The following RUVBL1 variants were observed in gnomAD, a reference collection of about 807,000 sequenced individuals.
The protein encoded by RUVBL1 is RuvB like AAA ATPase 1.
RUVBL1 carries 4 observed loss-of-function variants against 52.4 expected under a neutral mutation model. The observed-to-expected ratio is 0.08, with a 90% CI of 0.04 to 0.17. The LOEUF is 0.17. Ranked by LOEUF, RUVBL1 falls within the 10% of genes least tolerant of loss-of-function variation. The pLI, the probability that RUVBL1 is intolerant of heterozygous loss-of-function variation, is 1.00. For synonymous variants in RUVBL1, 217 were observed against 214.4 expected, an observed-to-expected ratio of 1.01 and a Z score of -0.10; for missense variants, 298 against 572.8, an observed-to-expected ratio of 0.52 and a Z score of 4.90.
At chr3:128,133,509 A>G (rs1943909340) in intron 1 of RUVBL1, among the ~76,000 whole-genome samples, 1 of 152,090 alleles carries the variant, frequency 6.6e-6, no homozygotes, top group Non-Finnish European at 1.5e-5. Context: ...AGGTGCTTGT[A>G]TCATCCCTCC....
chr3:128,142,770 C>A (rs1944045079), intron 1 of RUVBL1, among the ~76,000 whole-genome samples: 1 of 152,102 alleles, frequency 6.6e-6, no homozygotes, highest in South Asian at 2.1e-4. Context: ...TGCTTCTGAC[C>A]CTCCTGCCTC....
At chr3:128,110,044 T>C (rs1213114331) in intron 3 of RUVBL1, among the ~76,000 whole-genome samples, 2 of 152,044 alleles carry the variant, frequency 1.3e-5, no homozygotes, top group Non-Finnish European at 2.9e-5. Context: ...CTCGAACTCC[T>C]GACCTCAGGT....
chr3:128,077,343 CT>C (rs1431387086), downstream of RUVBL1, among the ~76,000 whole-genome samples: 1 of 152,210 alleles, frequency 6.6e-6, no homozygotes, highest in East Asian at 1.9e-4. Flanking sequence ...CCCTCACCCC[CT>C]ATCCTCTTAT....
At chr3:128,125,717 G>A (rs1331245762), upstream of RUVBL1, among the ~76,000 whole-genome samples, 2 of 152,204 alleles carry the variant, frequency 1.3e-5, no homozygotes, top group Non-Finnish European at 2.9e-5. Flanking sequence ...CCAGGCCTTG[G>A]AAGGCTGAGG....
chr3:128,068,834 A>G (rs1200851744), intron 9 of RUVBL1: 1 of 152,562 alleles, frequency 6.6e-6, no homozygotes, highest in Non-Finnish European at 1.5e-5. Context: ...CAGACAGACA[A>G]CAGACAAATG....
upstream of RUVBL1, among the ~76,000 whole-genome samples, chr3:128,125,801 G>GTTCC (rs1281691692): frequency 6.6e-6 from 1 of 152,194 alleles, no homozygotes; most frequent in Admixed American, 6.5e-5. Flanking sequence ...TCATTGACTT[G>GTTCC]TTCCTGGTCA....
intron 1 of RUVBL1, among the ~76,000 whole-genome samples, chr3:128,145,909 C>T (rs1442139890): frequency 6.6e-6 from 1 of 152,160 alleles, no homozygotes; most frequent in Admixed American, 6.5e-5. Context: ...CTGGAGATAA[C>T]ATTTATTGAG....
At chr3:128,077,110 C>A (rs893200462), downstream of RUVBL1, among the ~76,000 whole-genome samples, 2 of 151,846 alleles carry the variant, frequency 1.3e-5, no homozygotes, top group African/African-American at 4.8e-5. Context: ...CGGGCCGGGC[C>A]GGCCTGACAG....
chr3:128,121,048 T>A (rs910490425), intron 1 of RUVBL1, among the ~76,000 whole-genome samples: 3 of 152,150 alleles, frequency 2.0e-5, no homozygotes, highest in African/African-American at 7.2e-5. Context: ...CCACTTCAGT[T>A]ACCAAAGCAC....
chr3:128,094,008 G>T (rs1942913215), intron 8 of RUVBL1, among the ~76,000 whole-genome samples: 1 of 152,204 alleles, frequency 6.6e-6, no homozygotes, highest in South Asian at 2.1e-4. Flanking sequence ...CATGTCCACA[G>T]AGCAGACCAG....
At chr3:128,123,170 T>C (rs1419128644) in intron 1 of RUVBL1, among the ~76,000 whole-genome samples, 1 of 152,150 alleles carries the variant, frequency 6.6e-6, no homozygotes, top group Admixed American at 6.5e-5. Context: ...CTGCAGTAAC[T>C]AACCCCACCA....
At position 128,123,701 on chromosome 3, in the gene RUVBL1, G is replaced by A. The variant is rs1231418524; in HGVS notation, c.24C>T (p.Ser8=). The change falls in exon 1 of 11, where the codon AGC becomes AGT. Residue 8 remains serine, a synonymous_variant. Coordinates refer to ENST00000322623, the MANE Select transcript of RUVBL1 (RefSeq NM_003707.3). ...AGGCGATGCGCTGCGTCTTCGTAGTGCTCTTCACCTCCTCAATCTTCATTT... is the reference window on the plus strand; with the variant it reads ...AGGCGATGCGCTGCGTCTTCGTAGTACTCTTCACCTCCTCAATCTTCATTT... MKIEEVK[S]TTKTQRIASH... The A allele has an allele frequency of 3.1e-6, 5 of 1,608,810 alleles. No homozygotes were observed. Among genetic ancestry groups the A allele is most frequent in the Admixed American group, 1.7e-5 (1 of 59,972 alleles).
At chr3:128,098,813 G>T in intron 7 of RUVBL1, 69 bp downstream of exon 7, 1 of 1,334,862 alleles carries the variant, frequency 7.5e-7, no homozygotes, top group Non-Finnish European at 1.1e-6. Context: ...TCACAGAGCC[G>T]CAAGAGCATC....
At position 128,066,864 on chromosome 3, in the gene RUVBL1, C is replaced by T. The variant is rs1576425187; in HGVS notation, c.940-1644G>A. On this transcript the variant is annotated intron_variant, in intron 9 of 9. Transcript: ENST00000464873. ...GCACACAGGATTTCCTCCCTTGTGG[C>T]CCACTGGACAGTCCCCGGCCGGGCT... 4.0e-6 allele frequency: 5 copies of T among 1,261,746 alleles called. 1 individual carries two copies. Among genetic ancestry groups the T allele is most frequent in the South Asian group, 2.7e-5 (2 of 75,456 alleles). The allele number at this position is 1,261,746 out of a possible 1,614,324, so 78.2% of individuals were successfully genotyped here.
intron 6 of RUVBL1, among the ~76,000 whole-genome samples, chr3:128,100,232 T>G (rs1943080517): frequency 6.6e-6 from 1 of 152,192 alleles, no homozygotes; most frequent in Non-Finnish European, 1.5e-5. Flanking sequence ...AGAGCTTTGT[T>G]AGGCTTTCTG....
intron 5 of RUVBL1, 144 bp downstream of exon 5, chr3:128,101,415 A>C: frequency 1.4e-6 from 1 of 699,928 alleles, no homozygotes; most frequent in South Asian, 1.8e-5. Flanking sequence ...AAGGGCCACT[A>C]GTTGACCTTC....
At chr3:128,108,158 A>G (rs1943292598) in intron 3 of RUVBL1, among the ~76,000 whole-genome samples, 1 of 152,214 alleles carries the variant, frequency 6.6e-6, no homozygotes, top group Admixed American at 6.5e-5. Context: ...AGGAAATAGC[A>G]CAGACTCCCT....
rs1327538065 is a variant in RUVBL1 at position 128,067,033 on chromosome 3, C to T, written c.940-1813G>A. On this transcript the variant is annotated intron_variant, in intron 9 of 9. Transcript: ENST00000464873. The surrounding 1 kb of genome is among the most constrained non-coding windows in gnomAD (Gnocchi z 4.1). Reference sequence around the variant, plus strand: ...ACCTATCCCATCAAGCTCTTCTATACGTCCAACATCCCCATCATCCTGCAG... The same window carrying T: ...ACCTATCCCATCAAGCTCTTCTATATGTCCAACATCCCCATCATCCTGCAG... The T allele has an allele frequency of 6.2e-7, 1 of 1,614,188 alleles. No individual in the cohort carries two copies. The highest frequency in any genetic ancestry group is 8.5e-7 in the Non-Finnish European group (1 of 1,180,016).
chr3:128,128,585 C>A (rs1218742611), upstream of RUVBL1, among the ~76,000 whole-genome samples: 2 of 152,288 alleles, frequency 1.3e-5, no homozygotes, highest in Admixed American at 6.5e-5. Flanking sequence ...CATACTTCTT[C>A]CCTTTAACCT....
Sources: gnomAD v4.1 joint callset for allele counts (sites outside exome capture counted in the v4.1 genomes callset) on GRCh38, gnomAD v4.1.1 for gene constraint, Gnocchi (gnomAD v3.1) non-coding constraint, MANE v1.5 for transcripts, NCBI Gene and HGNC (gene_info 2026-07-23, HGNC 2026-07-21) for gene names.